LARP6: variants seen among roughly 807,000 people sequenced by gnomAD.
The protein encoded by LARP6 is la-related protein 6.
Under a neutral mutation model 32.8 loss-of-function variants are expected in LARP6, and 18 were observed. That is an observed-to-expected ratio of 0.55 (90% CI 0.38 to 0.81). LARP6 has a LOEUF of 0.81. Ranked by LOEUF, LARP6 falls within the 40% of genes least tolerant of loss-of-function variation. The pLI is 0.00. For missense variants in LARP6, 598 were observed against 663.1 expected (o/e 0.90, Z 1.08); for synonymous variants, 289 against 267.2 (o/e 1.08, Z -0.80).
intron 1 of LARP6, chr15:70,853,214 A>ACCCC (rs10709838): frequency 1.5e-4 from 15 of 100,938 alleles, no homozygotes; most frequent in South Asian, 8.8e-4. Context: ...ACCCAGGAAC[A>ACCCC]CCCCCCCCCC....
intron 1 of LARP6, among the ~76,000 whole-genome samples, chr15:70,851,067 G>C (rs1191271052): frequency 6.6e-6 from 1 of 152,130 alleles, no homozygotes; most frequent in East Asian, 1.9e-4. Flanking sequence ...TCTTGAATGT[G>C]GAACTTGGCT....
intron 2 of LARP6, 33 bp from the exon 3 acceptor site, chr15:70,833,149 C>A (rs370074324): frequency 9.5e-6 from 15 of 1,573,358 alleles, no homozygotes; most frequent in Non-Finnish European, 1.3e-5. Flanking sequence ...GAAATAGTAT[C>A]TAATGTCCTT....
At chr15:70,850,373 C>G (rs2032425668) in intron 1 of LARP6, among the ~76,000 whole-genome samples, 1 of 152,190 alleles carries the variant, frequency 6.6e-6, no homozygotes, top group Admixed American at 6.5e-5. Context: ...GCCAGCATAA[C>G]CCTGATACTA....
intron 1 of LARP6, among the ~76,000 whole-genome samples, chr15:70,839,796 C>T (rs1240715243): frequency 6.6e-6 from 1 of 152,148 alleles, no homozygotes; most frequent in Non-Finnish European, 1.5e-5. Context: ...ATGTTATGGC[C>T]ACTAACACTT....
chr15:70,841,573 A>G (rs1050327054), intron 1 of LARP6, among the ~76,000 whole-genome samples: 1 of 152,096 alleles, frequency 6.6e-6, no homozygotes, highest in Non-Finnish European at 1.5e-5. Context: ...TGATTGAATC[A>G]TGGGGTCGTT....
chr15:70,841,984 T>C (rs1230454427), intron 1 of LARP6, among the ~76,000 whole-genome samples: 5 of 152,152 alleles, frequency 3.3e-5, no homozygotes, highest in Non-Finnish European at 7.3e-5. Flanking sequence ...CCTGGGCTTA[T>C]GTGACTTACT....
rs1337077251 is a variant in LARP6 at position 70,829,828 on chromosome 15, T to C, written c.*2224A>G. The C allele has an allele frequency of 1.3e-5, 2 of 151,968 alleles. No individual in the cohort carries two copies. Among genetic ancestry groups the C allele is most frequent in the African/African-American group, 4.8e-5 (2 of 41,352 alleles). 9.4% of individuals were successfully genotyped at this position (151,968 alleles called of 1,614,324 possible). A position where few individuals can be genotyped will look rare whatever the true frequency, so the allele number is the denominator to read the frequency against. Reference sequence around the variant, plus strand: ...CTGTATTCACATGTAAAGGTGAGGGTGTAGGTATTTTTAAAAGTAACTATG... The same window carrying C: ...CTGTATTCACATGTAAAGGTGAGGGCGTAGGTATTTTTAAAAGTAACTATG... On this transcript the variant is annotated 3_prime_UTR_variant, in exon 3 of 3. Coordinates refer to ENST00000299213, the MANE Select transcript of LARP6 (RefSeq NM_018357.4).
intron 1 of LARP6, among the ~76,000 whole-genome samples, chr15:70,838,363 G>T (rs1160645222): frequency 6.6e-6 from 1 of 152,166 alleles, no homozygotes; most frequent in Admixed American, 6.5e-5. Context: ...GGAGTGCCTA[G>T]CGTACCGTTA....
rs2141050330 is a variant in LARP6, at chr15:70,836,445, G to A, written c.261C>T (p.Pro87=). The change falls in exon 2 of 3, where the codon CCC becomes CCT. Residue 87 remains proline (P), a synonymous_variant. Coordinates refer to ENST00000299213, the MANE Select transcript of LARP6 (RefSeq NM_018357.4). ...GTTTCTTGATCAACTCCTCATCCGG[G>A]GGCTTCCACTCCTGCTCCAGGTCCT... ...EREDLEQEWK[P]PDEELIKKLV... 6.2e-7 allele frequency: 1 copy of A among 1,614,066 alleles called. No homozygotes were observed. The highest frequency in any genetic ancestry group is 1.1e-5 in the South Asian group (1 of 91,078).
chr15:70,840,541 A>T (rs2141052855), intron 1 of LARP6, among the ~76,000 whole-genome samples: 1 of 152,254 alleles, frequency 6.6e-6, no homozygotes, highest in Admixed American at 6.5e-5. Flanking sequence ...ACTCCGTCTC[A>T]AACAAAAACA....
intron 1 of LARP6, among the ~76,000 whole-genome samples, chr15:70,845,595 C>T (rs1238719794): frequency 6.6e-6 from 1 of 152,238 alleles, no homozygotes; most frequent in East Asian, 1.9e-4. Context: ...AAACCACTCC[C>T]TTTATCCCCA....
chr15:70,847,462 T>C (rs993710536), intron 1 of LARP6, among the ~76,000 whole-genome samples: 24 of 152,002 alleles, frequency 1.6e-4, no homozygotes, highest in Non-Finnish European at 2.9e-5. Flanking sequence ...CTCTGCCTCC[T>C]GGGTTCAAGC....
chr15:70,840,406 G>A (rs1380929364), intron 1 of LARP6, among the ~76,000 whole-genome samples: 1 of 152,160 alleles, frequency 6.6e-6, no homozygotes, highest in African/African-American at 2.4e-5. Context: ...TGGGTGTGGT[G>A]GTGGTAGCCT....
rs10580315 is a variant in LARP6, at chr15:70,839,437, C to CA, written c.201-2933dup. ...TCTGGGTGACAGAGTGAGACTGTCT[C>CA]AAAAAAAAAAAAAAAATGTATAGTG... On this transcript the variant is annotated intron_variant, in intron 1 of 2. Transcript: ENST00000299213. Among the ~76,000 whole-genome samples, 395 of 130,056 alleles carry CA rather than the reference C, an allele frequency of 3.0e-3. 2 individuals carry two copies. Among genetic ancestry groups the CA allele is most frequent in the South Asian group, 9.6e-3 (39 of 4,050 alleles). 85.3% of individuals were successfully genotyped at this position (130,056 alleles called of 152,430 possible).
chr15:70,840,108 T>C (rs568687504), intron 1 of LARP6, among the ~76,000 whole-genome samples: 9 of 152,264 alleles, frequency 5.9e-5, no homozygotes, highest in East Asian at 1.9e-4. Context: ...CAACACTACA[T>C]GGAGAAAAGA....
intron 1 of LARP6, among the ~76,000 whole-genome samples, chr15:70,848,087 G>A (rs2032379738): frequency 6.6e-6 from 1 of 152,196 alleles, no homozygotes; most frequent in African/African-American, 2.4e-5. Flanking sequence ...CACCAGGGCA[G>A]ATTCAAAAGA....
chr15:70,840,000 A>T (rs1446596585), intron 1 of LARP6, among the ~76,000 whole-genome samples: 1 of 152,164 alleles, frequency 6.6e-6, no homozygotes, highest in East Asian at 1.9e-4. Flanking sequence ...CTACCTGCAG[A>T]TTTTTTATTA....
intron 1 of LARP6, among the ~76,000 whole-genome samples, chr15:70,840,714 T>C (rs983309905): frequency 2.6e-5 from 4 of 152,164 alleles, no homozygotes; most frequent in Admixed American, 1.3e-4. Context: ...CTCAGGGGTA[T>C]TGGCAAATGG....
rs1286067782 is a variant in LARP6 at position 70,832,126 on chromosome 15, C to T, written c.1402G>A (p.Val468Met). ...MQTADGLPVG[V>M]LRLPRGPDNT... is the part of the protein sequence containing the mutation. ...TCAGGACCCCTGGGCAACCTCAGCA[C>T]CCCTACGGGTAGCCCATCTGCAGTC... Residue 468 changes from valine to methionine, a missense_variant, in exon 3 of 3, where the codon GTG (valine) becomes ATG (methionine). By Grantham distance (21) the Val-to-Met change is conservative (BLOSUM62 1). This residue lies in a region of LARP6 where 368 missense variants were observed against 397.9 expected (regional missense o/e 0.92). Coordinates refer to ENST00000299213, the MANE Select transcript of LARP6 (RefSeq NM_018357.4). The T allele has an allele frequency of 2.5e-6, 4 of 1,603,368 alleles. No homozygotes were observed. The highest frequency in any genetic ancestry group is 2.2e-5 in the East Asian group (1 of 44,792).
Sources: allele counts gnomAD v4.1 joint callset (sites outside exome capture counted in the v4.1 genomes callset), GRCh38; gene constraint gnomAD v4.1.1; regional missense constraint gnomAD v4.1.1; transcripts MANE v1.5; gene names NCBI Gene and HGNC (gene_info 2026-07-23, HGNC 2026-07-21).